Variants in SERPINA10 observed in about 807,000 individuals in gnomAD.
SERPINA10 encodes protein Z-dependent protease inhibitor.
SERPINA10 carries 24 observed loss-of-function variants against 28.0 expected under a neutral mutation model. That is an observed-to-expected ratio of 0.86 (90% CI 0.62 to 1.20). The LOEUF (loss-of-function observed/expected upper bound fraction) is 1.20, where lower values mean the gene tolerates loss of function less well. Ranked by LOEUF, SERPINA10 falls within the 50% of genes most tolerant of loss-of-function variation. SERPINA10 has a pLI of 0.00. For missense variants in SERPINA10, 521 were observed against 537.7 expected (o/e 0.97, Z 0.31); for synonymous variants, 207 against 203.9 (o/e 1.02, Z -0.13).
chr14:94,288,163 C>T (rs1350671925), intron 3 of SERPINA10, 123 bp downstream of exon 3: 1 of 1,348,474 alleles, frequency 7.4e-7, no homozygotes, highest in African/African-American at 1.4e-5. Context: ...TGCTGCCCTG[C>T]CTTCAGGAAA....
rs1213883568 is a variant in SERPINA10 at position 94,280,534 on chromosome 14, C to T, written c.*3431G>A. The T allele has an allele frequency of 1.3e-5, 2 of 152,152 alleles. No individual in the cohort carries two copies. The highest frequency in any genetic ancestry group is 2.4e-5 in the African/African-American group (1 of 41,444). 9.4% of individuals were successfully genotyped at this position (152,152 alleles called of 1,614,324 possible). On this transcript the variant is annotated 3_prime_UTR_variant, in exon 5 of 5. Coordinates refer to ENST00000261994, the MANE Select transcript of SERPINA10 (RefSeq NM_001100607.3). ...TAGAAACAGGATAAACAGCAAATTA[C>T]TGACAGTTATGAATAACTACATGTA...
rs1228394827 is a variant in SERPINA10 at position 94,290,161 on chromosome 14, A to T, written c.433T>A (p.Phe145Ile). Residue 145 changes from phenylalanine to isoleucine, a missense_variant, in exon 2 of 5, where the codon TTT (phenylalanine) becomes ATT (isoleucine). Transcript: ENST00000261994. ...GAGAGGGTCTCTCTGAGTCCCTTAA[A>T]GAGGGAAGGCAGGAGCCCGGGCTTG... ...PTKPGLLPSLFKGLRETLSRN... is the reference protein window; with the variant it reads ...PTKPGLLPSLIKGLRETLSRN... 1.2e-6 allele frequency: 2 copies of T among 1,614,052 alleles called. No individual in the cohort carries two copies. Among genetic ancestry groups the T allele is most frequent in the Middle Eastern group, 1.6e-4 (1 of 6,062 alleles).
Position 94,290,583 on chromosome 14 carries a change from A to T in SERPINA10, c.11T>A (p.Val4Glu), listed in dbSNP as rs1895150079. The part of the protein sequence containing the change: MKV[V>E]PSLLLSVLLA... ...GAGGACGGAGAGCAGGAGACTTGGC[A>T]CCACCTTCATGTGATCGGCTGCGGA... Residue 4 changes from valine (V) to glutamate (E), a missense_variant, in exon 2 of 5, where the codon GTG becomes GAG. Transcript: ENST00000261994. 6.2e-7 allele frequency: 1 copy of T among 1,613,636 alleles called. No individual in the cohort carries two copies. Among genetic ancestry groups the T allele is most frequent in the African/African-American group, 1.3e-5 (1 of 75,056 alleles).
At chr14:94,289,832 G>A (rs755029842) in intron 2 of SERPINA10, 44 bp downstream of exon 2, 25 of 1,601,612 alleles carry the variant, frequency 1.6e-5, no homozygotes, top group East Asian at 8.9e-5. Context: ...AGAGACAATC[G>A]TAGGGCCCTG....
intron 1 of SERPINA10, chr14:94,292,884 A>T (rs2139704635): frequency 1.9e-6 from 1 of 537,060 alleles, no homozygotes; most frequent in South Asian, 2.6e-5. Flanking sequence ...GCCTCCCCTC[A>T]GCCCTGGGAA....
intron 4 of SERPINA10, 100 bp downstream of exon 4, chr14:94,286,008 T>C (rs756016378): frequency 7.0e-5 from 99 of 1,422,818 alleles, no homozygotes; most frequent in Middle Eastern, 3.7e-4. Flanking sequence ...AATTTTCCAC[T>C]ACAATTAGGT....
intron 1 of SERPINA10, among the ~76,000 whole-genome samples, chr14:94,291,036 A>C (rs1895164784): frequency 6.6e-6 from 1 of 152,066 alleles, no homozygotes; most frequent in Non-Finnish European, 1.5e-5. Context: ...CACTGCCCTG[A>C]CCATCTGGTC....
chr14:94,290,588 C>G lies in SERPINA10; in HGVS notation c.6G>C (p.Lys2Asn). The part of the protein sequence containing the change: M[K>N]VVPSLLLSVL... ...CGGAGAGCAGGAGACTTGGCACCAC[C>G]TTCATGTGATCGGCTGCGGAGGCCA... is the stretch of plus-strand genomic sequence containing the variant. Residue 2 changes from lysine (K) to asparagine (N), a missense_variant, in exon 2 of 5, where the codon AAG becomes AAC. Transcript: ENST00000261994. 2.1e-5 allele frequency: 34 copies of G among 1,613,570 alleles called. No homozygotes were observed. The highest frequency in any genetic ancestry group is 2.8e-5 in the Non-Finnish European group (33 of 1,179,902).
chr14:94,286,489 G>A (rs1425013685), intron 3 of SERPINA10, among the ~76,000 whole-genome samples: 1 of 152,118 alleles, frequency 6.6e-6, no homozygotes, highest in Non-Finnish European at 1.5e-5. Flanking sequence ...AGTGACTCAC[G>A]TTTTCTTTAG....
Position 94,290,312 on chromosome 14 carries a change from G to C in SERPINA10, c.282C>G (p.His94Gln). Reference protein sequence around the residue: ...FSLLRKISMRHDGNMVFSPFG... With the variant: ...FSLLRKISMRQDGNMVFSPFG... ...ATGGAGAGAAGACCATGTTGCCATC[G>C]TGCCTCATGGAGATCTTTCGCAGCA... Residue 94 changes from histidine to glutamine, a missense_variant, in exon 2 of 5, where the codon CAC (histidine) becomes CAG (glutamine). His to Gln is a conservative substitution (Grantham distance 24). Transcript: ENST00000261994. The C allele has an allele frequency of 1.2e-6, 2 of 1,614,208 alleles. No homozygotes were observed. The highest frequency in any genetic ancestry group is 8.5e-7 in the Non-Finnish European group (1 of 1,180,028).
At chr14:94,286,736 T>C (rs1006963830) in intron 3 of SERPINA10, among the ~76,000 whole-genome samples, 4 of 152,192 alleles carry the variant, frequency 2.6e-5, no homozygotes, top group East Asian at 1.9e-4. Context: ...CCTTTGAAAA[T>C]ATGTTGCTTG....
intron 3 of SERPINA10, among the ~76,000 whole-genome samples, chr14:94,288,072 T>C (rs1015163308): frequency 2.0e-5 from 3 of 152,172 alleles, no homozygotes; most frequent in African/African-American, 7.2e-5. Flanking sequence ...TCGCAGAACG[T>C]AAAATACTGA....
Position 94,284,265 on chromosome 14 carries a change from C to G in SERPINA10, c.1144-109G>C, listed in dbSNP as rs1894969418. 2.1e-5 allele frequency: 21 copies of G among 1,022,726 alleles called. No homozygotes were observed. The South Asian group carries it at 2.8e-4, about 14-fold the overall frequency. The allele number at this position is 1,022,726 out of a possible 1,614,324, so 63.4% of individuals were successfully genotyped here. On this transcript the variant is annotated intron_variant, in intron 4 of 4. Coordinates refer to ENST00000261994, the MANE Select transcript of SERPINA10 (RefSeq NM_001100607.3). ...TGGTCCTACCCATGGGGTCATGCTC[C>G]TGGGATTTAGTGGAGCAGGCCCATC...
At chr14:94,291,385 A>G (rs531330384) in intron 1 of SERPINA10, among the ~76,000 whole-genome samples, 1 of 152,222 alleles carries the variant, frequency 6.6e-6, no homozygotes, top group South Asian at 2.1e-4. Context: ...TGGGAGCTAC[A>G]CTTCTTCACC....
intron 1 of SERPINA10, among the ~76,000 whole-genome samples, chr14:94,291,321 G>A (rs927695398): frequency 6.6e-6 from 1 of 152,102 alleles, no homozygotes; most frequent in Non-Finnish European, 1.5e-5. Context: ...TGGCTTCATA[G>A]AGCCCTCAGC....
intron 3 of SERPINA10, 121 bp from the exon 4 acceptor site, chr14:94,286,379 G>A: frequency 2.8e-6 from 3 of 1,076,286 alleles, no homozygotes; most frequent in Non-Finnish European, 2.8e-6. Context: ...AGTTGACTAT[G>A]TAGTTCATGC....
intron 2 of SERPINA10, among the ~76,000 whole-genome samples, chr14:94,289,618 A>G (rs1402873860): frequency 6.6e-6 from 1 of 152,062 alleles, no homozygotes; most frequent in Non-Finnish European, 1.5e-5. Context: ...GAAAGACCCT[A>G]TGCTTCTAAG....
intron 3 of SERPINA10, 106 bp downstream of exon 3, chr14:94,288,180 G>C (rs539304626): frequency 6.8e-6 from 10 of 1,477,338 alleles, no homozygotes; most frequent in Non-Finnish European, 9.4e-6. Flanking sequence ...GAAACTTATA[G>C]CTCACTGGAG....
chr14:94,288,364 T>G lies in SERPINA10; in HGVS notation c.914A>C (p.Lys305Thr). ...NATMLVVLME[K>T]MGDHLALEDY... Reference sequence around the variant, plus strand: ...TTCAAGGGCGAGGTGGTCACCCATTTTCTCCATGAGGACCACCAGCATGGT... The same window carrying G: ...TTCAAGGGCGAGGTGGTCACCCATTGTCTCCATGAGGACCACCAGCATGGT... The change falls in exon 3 of 5, where the codon AAA becomes ACA. Residue 305 changes from lysine (K) to threonine (T), a missense_variant. Transcript: ENST00000261994. The G allele has an allele frequency of 6.2e-7, 1 of 1,614,114 alleles. No homozygotes were observed. The highest frequency in any genetic ancestry group is 8.5e-7 in the Non-Finnish European group (1 of 1,180,006).
Sources: gnomAD v4.1 joint callset for allele counts (sites outside exome capture counted in the v4.1 genomes callset) on GRCh38, gnomAD v4.1.1 for gene constraint, MANE v1.5 for transcripts, NCBI Gene and HGNC (gene_info 2026-07-23, HGNC 2026-07-21) for gene names.